ARHGAP8: variants seen among roughly 807,000 people sequenced by gnomAD.
The protein encoded by ARHGAP8 is rho GTPase-activating protein 8.
Under a neutral mutation model 46.1 loss-of-function variants are expected in ARHGAP8, and 62 were observed. That is an observed-to-expected ratio of 1.34 (90% confidence interval 1.10 to 1.66). The LOEUF (loss-of-function observed/expected upper bound fraction) is 1.66. Ranked by LOEUF, ARHGAP8 falls within the 40% of genes most tolerant of loss-of-function variation. The pLI, the probability that ARHGAP8 is intolerant of heterozygous loss-of-function variation, is 0.00. For synonymous variants in ARHGAP8, 375 were observed against 243.1 expected (o/e 1.54, Z -5.05); for missense variants, 923 against 568.4 (o/e 1.62, Z -6.34).
At chr22:44,859,419 A>G (rs898166584) in intron 10 of ARHGAP8, among the ~76,000 whole-genome samples, 4 of 152,274 alleles carry the variant, frequency 2.6e-5, no homozygotes, top group African/African-American at 7.2e-5. Context: ...GCCTTCTGCC[A>G]TAATTGGAAG....
chr22:44,827,099 G>A (rs970745150), intron 7 of ARHGAP8, among the ~76,000 whole-genome samples: 5 of 152,070 alleles, frequency 3.3e-5, no homozygotes, highest in Non-Finnish European at 7.4e-5. Context: ...CAAAGCAATC[G>A]CCAGCGTCTT....
rs1038349331 is a variant in ARHGAP8, at chr22:44,775,631, G to A, written c.-71-10826G>A. Among the ~76,000 whole-genome samples, 115 of 152,052 alleles carry A rather than the reference G, an allele frequency of 7.6e-4. 1 individual carries two copies. Among genetic ancestry groups the A allele is most frequent in the Admixed American group, 6.2e-3 (94 of 15,252 alleles). On this transcript the variant is annotated intron_variant, in intron 1 of 11. Coordinates refer to ENST00000356099, the MANE Select transcript of ARHGAP8 (RefSeq NM_181335.3). ...CCCGGCTAATTTTTTTGTATTATTAGTAGAGATGGGGTTTCATCATGTCGG... is the reference window on the plus strand; with the variant it reads ...CCCGGCTAATTTTTTTGTATTATTAATAGAGATGGGGTTTCATCATGTCGG...
intron 7 of ARHGAP8, among the ~76,000 whole-genome samples, chr22:44,833,104 T>C (rs1569169234): frequency 1.4e-5 from 2 of 147,266 alleles, no homozygotes; most frequent in Admixed American, 6.8e-5. Flanking sequence ...TTCTTTTTTT[T>C]TTTTTTTTTT....
intron 10 of ARHGAP8, among the ~76,000 whole-genome samples, chr22:44,858,135 A>G (rs2147189959): frequency 6.6e-6 from 1 of 152,334 alleles, no homozygotes; most frequent in South Asian, 2.1e-4. Context: ...TTTATTAAGA[A>G]GCCAACAGGA....
In ARHGAP8 at chr22:44,822,461, A is replaced by G; in HGVS notation, c.477A>G (p.Glu159=). Residue 159 remains glutamate, a synonymous_variant, in exon 6 of 12, where the codon GAA becomes GAG. Transcript: ENST00000356099. ...LKYDQLVIPP[E]VLRYDEKLQS... is the part of the protein sequence containing the mutation. ...ACGACCAGCTGGTCATCCCTCCCGA[A>G]GTTTTGCGGTAAGTGCCTGTTAGAC... 6.4e-7 allele frequency: 1 copy of G among 1,554,162 alleles called. No individual in the cohort carries two copies. Among genetic ancestry groups the G allele is most frequent in the Non-Finnish European group, 8.6e-7 (1 of 1,159,222 alleles).
At position 44,862,454 on chromosome 22, in the gene ARHGAP8, T is replaced by G. The variant is rs1224554863; in HGVS notation, c.1161T>G (p.Pro387=). Residue 387 remains proline (P), a synonymous_variant, in exon 12 of 12, where the codon CCT becomes CCG. Transcript: ENST00000356099. ...YEKIFSTPEA[P]GEHGLAPWEQ... ...AGATCTTCAGCACCCCGGAGGCACC[T>G]GGGGAGCACGGCCTGGCACCATGGG... 1.9e-6 allele frequency: 3 copies of G among 1,614,012 alleles called. No homozygotes were observed. The highest frequency in any genetic ancestry group is 2.2e-5 in the East Asian group (1 of 44,870).
chr22:44,814,359 G>T (rs797000544), intron 4 of ARHGAP8, among the ~76,000 whole-genome samples: 8 of 152,270 alleles, frequency 5.3e-5, no homozygotes, highest in African/African-American at 1.9e-4. Flanking sequence ...GAGAGCTGTT[G>T]CCAAATTGCC....
Position 44,860,430 on chromosome 22 carries a change from TTGTC to T in ARHGAP8, c.981+600_981+603del, listed in dbSNP as rs771781134. 2.7e-3 allele frequency among the ~76,000 whole-genome samples: 406 copies of T among 152,084 alleles called. 2 individuals are homozygous for T. The highest frequency in any genetic ancestry group is 8.3e-3 in the African/African-American group (345 of 41,490). ...TATGCCTCCAGCTCCCCCCTGGCCT[TTGTC>T]TGTGTGTGTGTCTAATCTCCCTCCA... On this transcript the variant is annotated intron_variant, in intron 11 of 11. Transcript: ENST00000356099.
At chr22:44,758,681 G>A (rs952468705) in intron 1 of ARHGAP8, among the ~76,000 whole-genome samples, 4 of 152,038 alleles carry the variant, frequency 2.6e-5, no homozygotes, top group Admixed American at 6.6e-5. Flanking sequence ...TATTTGAGGG[G>A]CAGCCGGGAG....
rs563362566 is a variant in ARHGAP8, at chr22:44,810,810, AGG to A, written c.299+2374_299+2375del. Among the ~76,000 whole-genome samples, 342 of 152,194 alleles carry A rather than the reference AGG, an allele frequency of 2.2e-3. 1 individual carries two copies. The highest frequency in any genetic ancestry group is 8.0e-3 in the African/African-American group (332 of 41,532). On this transcript the variant is annotated intron_variant, in intron 4 of 11. Coordinates refer to ENST00000356099, the MANE Select transcript of ARHGAP8 (RefSeq NM_181335.3). ...GTAGGGTTCCCGTGGGGAGCCGTGG[AGG>A]GAGGCAGCAAAGGAGGGAGGGGCAC...
rs935287074 is a variant in ARHGAP8, at chr22:44,782,232, G to A, written c.-71-4225G>A. 3.3e-5 allele frequency among the ~76,000 whole-genome samples: 5 copies of A among 152,274 alleles called. No homozygotes were observed. The East Asian group carries it at 7.7e-4, about 24-fold the overall frequency. On this transcript the variant is annotated intron_variant, in intron 1 of 11. Coordinates refer to ENST00000356099, the MANE Select transcript of ARHGAP8 (RefSeq NM_181335.3). ...CATGCCTGTAGTCCCAGGTACTCAG[G>A]GGGCTGAGGCAGGAGAATCGCTTGA...
chr22:44,786,713 CA>C, intron 2 of ARHGAP8, 107 bp downstream of exon 2: 1 of 1,450,742 alleles, frequency 6.9e-7, no homozygotes, highest in South Asian at 1.4e-5. Context: ...TGCAGCTGGG[CA>C]AGATTGAAAT....
rs1199750565 is a variant in ARHGAP8, at chr22:44,859,742, A to G, written c.889A>G (p.Ser297Gly). 1.2e-6 allele frequency: 2 copies of G among 1,613,818 alleles called. No individual in the cohort carries two copies. Among genetic ancestry groups the G allele is most frequent in the Non-Finnish European group, 1.7e-6 (2 of 1,180,028 alleles). ...QILGITCVES[S>G]LRVTGCRQIL... The stretch of plus-strand genomic sequence containing the variant: ...CCATGCCCTTCCAGGTGTGGAGAGC[A>G]GCCTGCGTGTCACTGGCTGCCGCCA... Residue 297 changes from serine (S) to glycine (G), a missense_variant, in exon 11 of 12, where the codon AGC (serine) becomes GGC (glycine). Physicochemically the swap from Ser to Gly is moderately conservative, Grantham distance 56. Transcript: ENST00000356099.
chr22:44,821,992 A>G (rs1233297638), intron 5 of ARHGAP8, among the ~76,000 whole-genome samples: 1 of 152,186 alleles, frequency 6.6e-6, no homozygotes, highest in Admixed American at 6.5e-5. Flanking sequence ...GCAGGCTTCA[A>G]CCTCAGAGCT....
intron 6 of ARHGAP8, among the ~76,000 whole-genome samples, chr22:44,824,230 G>C (rs1930348920): frequency 6.6e-6 from 1 of 152,200 alleles, no homozygotes; most frequent in South Asian, 2.1e-4. Context: ...TTCCCAATCT[G>C]TAAAGTAGAC....
chr22:44,758,096 C>G (rs1296045853), intron 1 of ARHGAP8, among the ~76,000 whole-genome samples: 1 of 152,130 alleles, frequency 6.6e-6, no homozygotes, highest in East Asian at 1.9e-4. Context: ...GCAGTTTCCT[C>G]TGGCTGCAGG....
intron 11 of ARHGAP8, among the ~76,000 whole-genome samples, 197 bp downstream of exon 11, chr22:44,860,031 TCAGA>T (rs1422637780): frequency 6.6e-5 from 10 of 152,170 alleles, no homozygotes; most frequent in Admixed American, 3.9e-4. Context: ...CTCCTGCCTG[TCAGA>T]CAGGGCGTAC....
At chr22:44,849,307 C>T (rs1163197069) in intron 10 of ARHGAP8, 1 of 584,018 alleles carries the variant, frequency 1.7e-6, no homozygotes, top group Non-Finnish European at 2.9e-6. Context: ...GTCTCTCAGG[C>T]ACAGCTGGGC....
rs2147022535 is a variant in ARHGAP8 at position 44,775,068 on chromosome 22, T to G, written c.-71-11389T>G. ...GCTGGTCTCGAACTCCTGACTTCAG[T>G]TGATCCACCTGCCTCGGCTTCCCAA... On this transcript the variant is annotated intron_variant, in intron 1 of 11. Coordinates refer to ENST00000356099, the MANE Select transcript of ARHGAP8 (RefSeq NM_181335.3). Among the ~76,000 whole-genome samples the G allele has an allele frequency of 1.3e-5, 2 of 152,286 alleles. 1 individual carries two copies. Among genetic ancestry groups the G allele is most frequent in the South Asian group, 4.1e-4 (2 of 4,828 alleles).
Sources: allele counts gnomAD v4.1 joint callset (sites outside exome capture counted in the v4.1 genomes callset), GRCh38; gene constraint gnomAD v4.1.1; transcripts MANE v1.5; gene names NCBI Gene and HGNC (gene_info 2026-07-23, HGNC 2026-07-21).